Variants in ITPR2 observed in about 807,000 individuals in gnomAD.
ITPR2 encodes inositol 1,4,5-trisphosphate-gated calcium channel ITPR2.
ITPR2 carries 207 observed loss-of-function variants against 317.1 expected under a neutral mutation model. That is an observed-to-expected ratio of 0.65 (90% CI 0.58 to 0.73). The LOEUF (loss-of-function observed/expected upper bound fraction) is 0.73, where lower values mean the gene tolerates loss of function less well. Among genes scored for constraint, ITPR2 ranks in the 30% least tolerant of loss-of-function variants. The pLI is 0.00. For synonymous variants in ITPR2, 1,156 were observed against 1,149.1 expected (o/e 1.01, Z -0.12); for missense variants, 2,613 against 3,284.0 (o/e 0.80, Z 4.99).
intron 34 of ITPR2, among the ~76,000 whole-genome samples, chr12:26,568,438 C>T (rs1014139767): frequency 1.3e-5 from 2 of 151,966 alleles, no homozygotes; most frequent in African/African-American, 2.4e-5. Flanking sequence ...AGGCAACTGT[C>T]TAATTAGGCT....
At chr12:26,610,300 A>G (rs1233321368) in intron 26 of ITPR2, among the ~76,000 whole-genome samples, 1 of 152,236 alleles carries the variant, frequency 6.6e-6, no homozygotes, top group Non-Finnish European at 1.5e-5. Flanking sequence ...ATCTCATACC[A>G]ACACTTGGAA....
intron 10 of ITPR2, among the ~76,000 whole-genome samples, chr12:26,687,558 C>A (rs919598594): frequency 1.3e-5 from 2 of 152,154 alleles, no homozygotes; most frequent in Non-Finnish European, 2.9e-5. Context: ...TCAATGGCTG[C>A]TGCGACAACA....
chr12:26,724,719 T>G lies in ITPR2; in HGVS notation c.303A>C (p.Lys101Asn). 6.2e-7 allele frequency: 1 copy of G among 1,606,714 alleles called. No individual in the cohort carries two copies. Among genetic ancestry groups the G allele is most frequent in the South Asian group, 1.1e-5 (1 of 90,716 alleles). ...GTTTCTTATTCTCCGATTCATTTTG[T>G]TTTTGTTCCAGTTCTGCAGCGTGCT... Reference protein sequence around the residue: ...KLQHAAELEQKQNESENKKLL... With the variant: ...KLQHAAELEQNQNESENKKLL... The change falls in exon 4 of 57, where the codon AAA becomes AAC. Residue 101 changes from lysine (K) to asparagine (N), a missense_variant. Around this residue, in one of 9 missense-constraint regions of ITPR2, gnomAD observed 515 missense variants for 789.4 expected, o/e 0.65. Coordinates refer to ENST00000381340, the MANE Select transcript of ITPR2 (RefSeq NM_002223.4).
intron 2 of ITPR2, among the ~76,000 whole-genome samples, chr12:26,732,648 G>A (rs748829443): frequency 6.6e-6 from 1 of 152,160 alleles, no homozygotes; most frequent in African/African-American, 2.4e-5. Context: ...TCTTCATGAG[G>A]AATTGAGATG....
rs1451900844 is a variant in ITPR2, at chr12:26,624,344, T to G, written c.3077A>C (p.Asp1026Ala). ...DTLLPSAIVP[D>A]IDEIAAQAET... The stretch of plus-strand genomic sequence containing the variant: ...TGCCTGAGCTGCAATTTCATCTATA[T>G]CAGGAACAATAGCTGCAAAGATAAA... The change falls in exon 24 of 57, where the codon GAT (aspartate) becomes GCT (alanine). Residue 1026 changes from aspartate (D) to alanine (A), a missense_variant. By Grantham distance (126) the Asp-to-Ala change is moderately radical. Around this residue, in one of 9 missense-constraint regions of ITPR2, gnomAD observed 817 missense variants for 897.6 expected, o/e 0.91. Coordinates refer to ENST00000381340, the MANE Select transcript of ITPR2 (RefSeq NM_002223.4). 3 of 1,609,208 alleles carry G rather than the reference T, an allele frequency of 1.9e-6. No homozygotes were observed. The highest frequency in any genetic ancestry group is 1.7e-6 in the Non-Finnish European group (2 of 1,176,798).
chr12:26,522,918 C>T (rs1943702433), intron 37 of ITPR2, among the ~76,000 whole-genome samples: 1 of 152,212 alleles, frequency 6.6e-6, no homozygotes, highest in Admixed American at 6.5e-5. Context: ...AAGAACTGTA[C>T]ACCTAATCCC....
At chr12:26,406,513 C>T (rs1940359132) in intron 52 of ITPR2, 1 of 149,750 alleles carries the variant, frequency 6.7e-6, no homozygotes, top group Non-Finnish European at 1.5e-5. Flanking sequence ...AATGACCTTC[C>T]CTGCATCCAC....
intron 2 of ITPR2, among the ~76,000 whole-genome samples, chr12:26,784,690 T>A (rs1457216110): frequency 6.6e-6 from 1 of 151,484 alleles, no homozygotes; most frequent in Non-Finnish European, 1.5e-5. Context: ...CTCGGCTCGC[T>A]ACAGCCTCCA....
At chr12:26,349,996 T>C (rs1938430181) in intron 55 of ITPR2, among the ~76,000 whole-genome samples, 1 of 152,160 alleles carries the variant, frequency 6.6e-6, no homozygotes, top group South Asian at 2.1e-4. Context: ...CTATAACCCC[T>C]GGCTTTATAG....
At chr12:26,400,079 T>C (rs1022733035) in intron 53 of ITPR2, 49 bp downstream of exon 53, 1 of 1,559,526 alleles carries the variant, frequency 6.4e-7, no homozygotes, top group Non-Finnish European at 8.7e-7. Context: ...TGAAGAAAGG[T>C]TTAAAAAAAA....
chr12:26,590,514 T>G (rs1405319012), intron 32 of ITPR2, among the ~76,000 whole-genome samples: 1 of 152,160 alleles, frequency 6.6e-6, no homozygotes, highest in Non-Finnish European at 1.5e-5. Flanking sequence ...AAACATACAC[T>G]GGGGAAAAGA....
At chr12:26,532,588 G>A (rs1943972851) in intron 37 of ITPR2, among the ~76,000 whole-genome samples, 1 of 152,116 alleles carries the variant, frequency 6.6e-6, no homozygotes, top group Non-Finnish European at 1.5e-5. Flanking sequence ...GGGATCACAG[G>A]CATGAGCCAC....
At chr12:26,518,504 C>G (rs1943585610) in intron 37 of ITPR2, among the ~76,000 whole-genome samples, 1 of 152,024 alleles carries the variant, frequency 6.6e-6, no homozygotes, top group South Asian at 2.1e-4. Context: ...CACATGTACC[C>G]CCGAACCTAA....
At chr12:26,662,682 G>A (rs1565674544) in intron 15 of ITPR2, among the ~76,000 whole-genome samples, 2 of 152,120 alleles carry the variant, frequency 1.3e-5, no homozygotes, top group African/African-American at 2.4e-5. Context: ...GTTTTGTTTT[G>A]TTTTTTATGA....
chr12:26,422,678 T>C (rs975801947), intron 49 of ITPR2, among the ~76,000 whole-genome samples: 1 of 152,212 alleles, frequency 6.6e-6, no homozygotes, highest in Non-Finnish European at 1.5e-5. Context: ...TTTATCTTTG[T>C]CTTTACATTA....
At chr12:26,619,395 A>G (rs1190760898) in intron 26 of ITPR2, among the ~76,000 whole-genome samples, 3 of 152,166 alleles carry the variant, frequency 2.0e-5, no homozygotes, top group African/African-American at 4.8e-5. Context: ...TCGGCCATCT[A>G]TCGTTCTCCC....
chr12:26,503,292 G>C (rs1352587680), intron 37 of ITPR2, among the ~76,000 whole-genome samples: 1 of 151,688 alleles, frequency 6.6e-6, no homozygotes, highest in Non-Finnish European at 1.5e-5. Flanking sequence ...TTAAAAGAGA[G>C]GAAGAAAACT....
At chr12:26,608,980 A>C (rs1946201930) in intron 26 of ITPR2, among the ~76,000 whole-genome samples, 1 of 152,182 alleles carries the variant, frequency 6.6e-6, no homozygotes, top group South Asian at 2.1e-4. Flanking sequence ...TGAAAACAGC[A>C]ACATAATAGA....
At chr12:26,562,791 T>C in intron 34 of ITPR2, among the ~76,000 whole-genome samples, 1 of 151,440 alleles carries the variant, frequency 6.6e-6, no homozygotes, top group Non-Finnish European at 1.5e-5. Flanking sequence ...GGGGGAGGGA[T>C]AGCATTAGGA....
Sources: allele counts gnomAD v4.1 joint callset (sites outside exome capture counted in the v4.1 genomes callset), GRCh38; gene constraint gnomAD v4.1.1; regional missense constraint gnomAD v4.1.1; transcripts MANE v1.5; gene names NCBI Gene and HGNC (gene_info 2026-07-23, HGNC 2026-07-21).